Variants in ZFAND3 observed in about 807,000 individuals in gnomAD.
The protein encoded by ZFAND3 is AN1-type zinc finger protein 3.
In ZFAND3, 10 loss-of-function variants were observed where a neutral mutation model predicts 29.6. The observed-to-expected ratio is 0.34, with a 90% CI of 0.21 to 0.57. The LOEUF is 0.57. ZFAND3 is among the 20% of genes least tolerant of loss of function. The pLI, the probability that ZFAND3 is intolerant of heterozygous loss-of-function variation, is 0.86. For synonymous variants in ZFAND3, 128 were observed against 112.6 expected (o/e 1.14, Z -0.87); for missense variants, 230 against 304.5 (o/e 0.76, Z 1.82).
rs961889587 is a variant in ZFAND3 at position 37,819,898 on chromosome 6, A to C, written c.-48A>C. 97 of 1,145,002 alleles carry C rather than the reference A, an allele frequency of 8.5e-5. No individual in the cohort carries two copies. The African/African-American group carries it at 1.5e-3, about 18-fold the overall frequency. 70.9% of individuals were successfully genotyped at this position (1,145,002 alleles called of 1,614,324 possible). A position where few individuals can be genotyped will look rare whatever the true frequency, so the allele number is the denominator to read the frequency against. On this transcript the variant is annotated 5_prime_UTR_variant, in exon 1 of 6. Transcript: ENST00000287218. ...CCTCCTCAGAGCGGGGCCCGGGCCCAGCCGCCGCCACCGCTGCCGCCGCCG... is the reference window on the plus strand; with the variant it reads ...CCTCCTCAGAGCGGGGCCCGGGCCCCGCCGCCGCCACCGCTGCCGCCGCCG...
rs71542148 is a variant in ZFAND3 at position 37,914,672 on chromosome 6, C to CTTTTTTT, written c.72-15283_72-15277dup. ...TTTCTTTCTTTCTTTCTTTTTTTTT[C>CTTTTTTT]TTTTTTTTTTAGTGGAGACGGGGTT... On this transcript the variant is annotated intron_variant, in intron 1 of 5. Transcript: ENST00000287218. 5.3e-5 allele frequency among the ~76,000 whole-genome samples: 6 copies of CTTTTTTT among 114,210 alleles called. 1 individual carries two copies. Among genetic ancestry groups the CTTTTTTT allele is most frequent in the African/African-American group, 1.8e-4 (5 of 27,980 alleles). The allele number at this position is 114,210 out of a possible 152,430, so 74.9% of individuals were successfully genotyped here.
intron 3 of ZFAND3, among the ~76,000 whole-genome samples, chr6:38,081,464 G>A (rs1259600953): frequency 1.8e-4 from 28 of 152,082 alleles, no homozygotes; most frequent in Non-Finnish European, 1.5e-5. Context: ...TTTTCAGTGA[G>A]TAAATTAAAT....
At chr6:37,896,570 C>CT (rs1554153801) in intron 1 of ZFAND3, among the ~76,000 whole-genome samples, 3 of 124,498 alleles carry the variant, frequency 2.4e-5, no homozygotes, top group South Asian at 2.5e-4. Flanking sequence ...TTCTTTCTTT[C>CT]TCTCTTTCTC....
At chr6:38,040,047 GA>G (rs993240702) in intron 2 of ZFAND3, among the ~76,000 whole-genome samples, 2 of 151,254 alleles carry the variant, frequency 1.3e-5, no homozygotes, top group Non-Finnish European at 1.5e-5. Context: ...TTAAAAACTA[GA>G]AAAAAAACAC....
chr6:38,128,266 G>A (rs1449824733), intron 5 of ZFAND3, among the ~76,000 whole-genome samples: 2 of 152,132 alleles, frequency 1.3e-5, no homozygotes, highest in Non-Finnish European at 1.5e-5. Context: ...TAAGCACATT[G>A]TATGCAAATA....
chr6:37,932,248 G>T (rs1283484731), intron 2 of ZFAND3, among the ~76,000 whole-genome samples: 2 of 143,608 alleles, frequency 1.4e-5, no homozygotes, highest in Admixed American at 7.0e-5. Context: ...CAGCCAGAAC[G>T]AGACTCTGTC....
In ZFAND3 at chr6:38,001,125, A is replaced by T. The variant is rs140420035; in HGVS notation, c.113-60468A>T. On this transcript the variant is annotated intron_variant, in intron 2 of 5. Transcript: ENST00000287218. ...ATATCCTTTTACTAAGGAGATTTTTAAAAAATCTTCAAAATAACTCTGACC... is the reference window on the plus strand; with the variant it reads ...ATATCCTTTTACTAAGGAGATTTTTTAAAAATCTTCAAAATAACTCTGACC... 9.7e-4 allele frequency among the ~76,000 whole-genome samples: 147 copies of T among 152,324 alleles called. 2 individuals carry two copies. In the East Asian group the frequency reaches 0.024, roughly 25 times the overall value.
At chr6:37,970,931 A>G (rs1427004353) in intron 2 of ZFAND3, among the ~76,000 whole-genome samples, 1 of 152,112 alleles carries the variant, frequency 6.6e-6, no homozygotes, top group Non-Finnish European at 1.5e-5. Flanking sequence ...ACAAACAAAC[A>G]AACAAACAAA....
intron 2 of ZFAND3, chr6:38,003,926 G>A (rs889405761): frequency 1.6e-5 from 5 of 303,902 alleles, no homozygotes; most frequent in Admixed American, 1.4e-4. Flanking sequence ...TCTGTCGTCC[G>A]AATGAAAAAA....
chr6:38,052,470 A>G (rs1026306181), intron 2 of ZFAND3, among the ~76,000 whole-genome samples: 1 of 152,106 alleles, frequency 6.6e-6, no homozygotes, highest in Non-Finnish European at 1.5e-5. Flanking sequence ...GAGAATTAAT[A>G]TTTTTCAACT....
intron 5 of ZFAND3, among the ~76,000 whole-genome samples, chr6:38,150,031 G>A (rs1456731002): frequency 1.3e-5 from 2 of 152,138 alleles, no homozygotes; most frequent in Non-Finnish European, 2.9e-5. Flanking sequence ...AGCCCTGACT[G>A]GCAGCAGGTT....
intron 1 of ZFAND3, among the ~76,000 whole-genome samples, chr6:37,918,796 A>G (rs2127407992): frequency 6.6e-6 from 1 of 152,242 alleles, no homozygotes; most frequent in Non-Finnish European, 1.5e-5. Context: ...ACCTATTTTC[A>G]AAAGCAACAT....
At chr6:38,118,618 A>G (rs1765466083) in intron 5 of ZFAND3, among the ~76,000 whole-genome samples, 1 of 150,408 alleles carries the variant, frequency 6.6e-6, no homozygotes, top group Admixed American at 6.7e-5. Context: ...GGCAGTGGCT[A>G]ATGCTTCTTC....
intron 1 of ZFAND3, among the ~76,000 whole-genome samples, chr6:37,896,536 T>TTC (rs1193604143): frequency 1.6e-5 from 2 of 123,808 alleles, no homozygotes; most frequent in Non-Finnish European, 3.3e-5. Context: ...CTTTCTTTCT[T>TTC]TCTTTCTTTC....
At chr6:38,117,255 C>CT (rs1562005614) in intron 5 of ZFAND3, among the ~76,000 whole-genome samples, 4 of 123,328 alleles carry the variant, frequency 3.2e-5, no homozygotes, top group African/African-American at 6.1e-5. Flanking sequence ...CTTGAAATAG[C>CT]CTTTTTTTTT....
chr6:38,011,336 A>G (rs187427031), intron 2 of ZFAND3, among the ~76,000 whole-genome samples: 9 of 152,282 alleles, frequency 5.9e-5, no homozygotes, highest in Non-Finnish European at 1.0e-4. Flanking sequence ...GGGTTGTATG[A>G]TAAAGTACAG....
At chr6:38,122,160 G>A (rs1333641004) in intron 5 of ZFAND3, among the ~76,000 whole-genome samples, 2 of 152,128 alleles carry the variant, frequency 1.3e-5, no homozygotes, top group African/African-American at 4.8e-5. Context: ...TATCTGCGGG[G>A]AATCGGCTCC....
intron 2 of ZFAND3, among the ~76,000 whole-genome samples, chr6:38,050,471 C>T (rs543713642): frequency 2.0e-5 from 3 of 152,154 alleles, no homozygotes; most frequent in African/African-American, 7.2e-5. Flanking sequence ...GTAATTGTAT[C>T]ATGCGGGCGG....
intron 1 of ZFAND3, among the ~76,000 whole-genome samples, chr6:37,825,857 A>G (rs976539553): frequency 2.0e-5 from 3 of 152,216 alleles, no homozygotes; most frequent in Non-Finnish European, 2.9e-5. Context: ...ATAAAAGATT[A>G]TTTATTTAGA....
Sources: allele counts gnomAD v4.1 joint callset (sites outside exome capture counted in the v4.1 genomes callset), GRCh38; gene constraint gnomAD v4.1.1; transcripts MANE v1.5; gene names NCBI Gene and HGNC (gene_info 2026-07-23, HGNC 2026-07-21).